Variants in C12orf54 observed in about 807,000 individuals in gnomAD.
C12orf54 encodes chromosome 12 open reading frame 54.
Under a neutral mutation model 26.4 loss-of-function variants are expected in C12orf54, and 24 were observed. The ratio of observed to expected loss-of-function variants is 0.91; its 90% CI spans 0.66 to 1.28. C12orf54 has a LOEUF of 1.28. Ranked by LOEUF, C12orf54 falls within the 50% of genes most tolerant of loss-of-function variation. The pLI is 0.00. For missense variants in C12orf54, 154 were observed against 150.9 expected (o/e 1.02, Z -0.11); for synonymous variants, 54 against 47.0 (o/e 1.15, Z -0.61).
At chr12:48,444,146 TTAAA>T in the C12orf54 span, among the ~76,000 whole-genome samples, 1 of 152,244 alleles carries the variant, frequency 6.6e-6, no homozygotes, top group Non-Finnish European at 1.5e-5. Context: ...AAATAAAAGG[TTAAA>T]TAGTGTGTAT....
At chr12:48,466,972 T>C in the C12orf54 span, among the ~76,000 whole-genome samples, 2 of 152,084 alleles carry the variant, frequency 1.3e-5, no homozygotes, top group Non-Finnish European at 2.9e-5. Context: ...TGGTAGTATA[T>C]GTATATGTAG....
At chr12:48,434,872 A>G in the C12orf54 span, among the ~76,000 whole-genome samples, 1 of 152,218 alleles carries the variant, frequency 6.6e-6, no homozygotes, top group Non-Finnish European at 1.5e-5. Flanking sequence ...CTCCAAAGGA[A>G]CGCAGCTCCT....
the C12orf54 span, among the ~76,000 whole-genome samples, chr12:48,443,241 GT>G: frequency 1.3e-5 from 2 of 152,126 alleles, no homozygotes; most frequent in East Asian, 3.9e-4. Context: ...ACTAGAGAGT[GT>G]TTGTAAACTA....
At chr12:48,491,001 C>T (rs74090293) in intron 6 of C12orf54, among the ~76,000 whole-genome samples, 165 bp downstream of exon 6, 10,034 of 152,188 alleles carry the variant, frequency 0.066, 1,105 homozygotes, top group African/African-American at 0.23. Flanking sequence ...AGCTTACAGC[C>T]GGAGTCCATG....
At chr12:48,444,628 A>T in the C12orf54 span, among the ~76,000 whole-genome samples, 1 of 151,994 alleles carries the variant, frequency 6.6e-6, no homozygotes, top group Non-Finnish European at 1.5e-5. Flanking sequence ...GTCATGTCTT[A>T]TTTTTTTTAA....
At chr12:48,456,362 T>C in the C12orf54 span, among the ~76,000 whole-genome samples, 1 of 152,172 alleles carries the variant, frequency 6.6e-6, no homozygotes, top group East Asian at 1.9e-4. Flanking sequence ...ATTCAAGCTG[T>C]ATCAAGTGGT....
chr12:48,433,364 T>G, the C12orf54 span, among the ~76,000 whole-genome samples: 349 of 151,480 alleles, frequency 2.3e-3, no homozygotes, highest in South Asian at 4.4e-3. Context: ...GTGGGATCCC[T>G]CTGGTGAGAA....
chr12:48,431,644 A>C, the C12orf54 span, among the ~76,000 whole-genome samples: 1 of 152,252 alleles, frequency 6.6e-6, no homozygotes, highest in African/African-American at 2.4e-5. Context: ...AATGTCAAAG[A>C]TGAGTTTTAT....
chr12:48,460,979 A>AT, the C12orf54 span, among the ~76,000 whole-genome samples: 1 of 152,024 alleles, frequency 6.6e-6, no homozygotes, highest in South Asian at 2.1e-4. Context: ...ACCAGATTTG[A>AT]TTTTTTAAAA....
the C12orf54 span, chr12:48,473,336 T>C: frequency 5.1e-6 from 6 of 1,169,968 alleles, no homozygotes; most frequent in South Asian, 3.9e-5. Flanking sequence ...ATGAGGAAGA[T>C]GAAGAAGAGC....
At chr12:48,471,261 T>C in the C12orf54 span, among the ~76,000 whole-genome samples, 1 of 152,206 alleles carries the variant, frequency 6.6e-6, no homozygotes, top group African/African-American at 2.4e-5. Context: ...TTCATGTTGT[T>C]GCAAGTGACT....
chr12:48,471,465 T>A, the C12orf54 span, among the ~76,000 whole-genome samples: 1 of 152,230 alleles, frequency 6.6e-6, no homozygotes, highest in Non-Finnish European at 1.5e-5. Context: ...CTAGGATTTT[T>A]ATAGGTTGAA....
the C12orf54 span, among the ~76,000 whole-genome samples, chr12:48,423,533 C>A: frequency 3.3e-5 from 5 of 151,920 alleles, no homozygotes; most frequent in African/African-American, 1.2e-4. Flanking sequence ...TAAAAATTAT[C>A]ATAAAATCAA....
At chr12:48,452,417 A>C in the C12orf54 span, among the ~76,000 whole-genome samples, 1 of 152,252 alleles carries the variant, frequency 6.6e-6, no homozygotes, top group Admixed American at 6.5e-5. Flanking sequence ...TTCAGGACAT[A>C]GGCACAGGCA....
the C12orf54 span, among the ~76,000 whole-genome samples, chr12:48,429,917 C>T: frequency 2.0e-4 from 31 of 152,260 alleles, 1 homozygote; most frequent in South Asian, 1.4e-3. Context: ...TCAAACTATA[C>T]TATAGGACCG....
At chr12:48,446,077 C>G in the C12orf54 span, among the ~76,000 whole-genome samples, 36 of 152,298 alleles carry the variant, frequency 2.4e-4, no homozygotes, top group Middle Eastern at 3.4e-3. Context: ...GAAAACATAA[C>G]CATACTTCTG....
At chr12:48,472,216 T>C in the C12orf54 span, among the ~76,000 whole-genome samples, 19 of 152,354 alleles carry the variant, frequency 1.2e-4, no homozygotes, top group South Asian at 3.9e-3. Context: ...TTACTAAAAC[T>C]GTTTATCAGC....
intron 3 of C12orf54, 184 bp downstream of exon 3, chr12:48,486,392 A>G: frequency 1.6e-6 from 1 of 640,964 alleles, no homozygotes; most frequent in Non-Finnish European, 2.7e-6. Flanking sequence ...CAATGCCACC[A>G]CTTCACCAGA....
chr12:48,483,309 C>A lies in C12orf54; in HGVS notation c.13C>A (p.Pro5Thr). The A allele has an allele frequency of 6.2e-7, 1 of 1,613,972 alleles. No homozygotes were observed. The highest frequency in any genetic ancestry group is 8.5e-7 in the Non-Finnish European group (1 of 1,179,934). Residue 5 changes from proline to threonine, a missense_variant, in exon 2 of 9, where the codon CCC (proline) becomes ACC (threonine). Transcript: ENST00000548364. MAQH[P>T]CQDQEQKVEM... ...TGTCTGAGAACAAATGGCACAGCAT[C>A]CCTGCCAGGATCAGGAACAAAAGGT...
Sources: allele counts gnomAD v4.1 joint callset (sites outside exome capture counted in the v4.1 genomes callset), GRCh38; gene constraint gnomAD v4.1.1; transcripts MANE v1.5; gene names NCBI Gene and HGNC (gene_info 2026-07-23, HGNC 2026-07-21).